DAB1: variants seen among roughly 807,000 people sequenced by gnomAD.
DAB1 encodes the protein disabled homolog 1.
DAB1 carries 15 observed loss-of-function variants against 64.6 expected under a neutral mutation model. That is an observed-to-expected ratio of 0.23 (90% CI 0.16 to 0.36). The LOEUF (loss-of-function observed/expected upper bound fraction) is 0.36. DAB1 is among the 10% of genes least tolerant of loss of function. The pLI is 1.00. For synonymous variants in DAB1, 235 were observed against 251.9 expected, an observed-to-expected ratio of 0.93 and a Z score of 0.64; for missense variants, 596 against 706.7, an observed-to-expected ratio of 0.84 and a Z score of 1.78.
chr1:58,425,592 G>A (rs1401738346), intron 3 of DAB1, among the ~76,000 whole-genome samples: 1 of 152,032 alleles, frequency 6.6e-6, no homozygotes, highest in Non-Finnish European at 1.5e-5. Flanking sequence ...ATGAAATACA[G>A]GACAAGCATA....
chr1:57,169,984 TTTTC>T (rs1344079197), intron 2 of DAB1, among the ~76,000 whole-genome samples: 16 of 148,294 alleles, frequency 1.1e-4, no homozygotes, highest in South Asian at 8.5e-4. Context: ...GCCTTTTTCT[TTTTC>T]TTTCTTTCTT....
At chr1:58,430,329 TGAGTGGAGGACTTCAATCA>T (rs61217512) in intron 3 of DAB1, among the ~76,000 whole-genome samples, 10,392 of 152,220 alleles carry the variant, frequency 0.068, 902 homozygotes, top group African/African-American at 0.2. Flanking sequence ...ACTGTGGGCC[TGAGTGGAGGACTTCAATCA>T]GAGAAGAAGT....
chr1:58,337,950 C>T (rs1015437423), intron 4 of DAB1, among the ~76,000 whole-genome samples: 1 of 151,004 alleles, frequency 6.6e-6, no homozygotes, highest in African/African-American at 2.4e-5. Context: ...ACGTACACTG[C>T]CAAGTTGGTA....
chr1:57,011,304 T>G, intron 12 of DAB1, 32 bp from the exon 13 acceptor site: 2 of 1,605,828 alleles, frequency 1.2e-6, no homozygotes, highest in Non-Finnish European at 1.7e-6. Flanking sequence ...AGAGACATCT[T>G]AAGTGCCTGG....
chr1:58,230,675 C>A (rs1034573141), intron 4 of DAB1, among the ~76,000 whole-genome samples: 6 of 152,220 alleles, frequency 3.9e-5, no homozygotes, highest in Non-Finnish European at 7.3e-5. Flanking sequence ...AGAAAAATAT[C>A]TGGTCCTGAA....
In DAB1 at chr1:58,506,241, A is replaced by T. The variant is rs745740511; in HGVS notation, n.108-32T>A. The T allele has an allele frequency of 3.6e-6, 3 of 842,654 alleles. No individual in the cohort carries two copies. In the Admixed American group the frequency reaches 5.3e-5, roughly 15 times the overall value. 52.2% of individuals were successfully genotyped at this position (842,654 alleles called of 1,614,324 possible). ...CCAAAATTAGTAAAACCACACAATG[A>T]GCTCAGTTTTGAGGATTTTTTAAAA... On this transcript the variant is annotated intron_variant and non_coding_transcript_variant, in intron 2 of 20. Transcript: ENST00000485760.
chr1:57,571,043 G>A (rs1645188221), intron 7 of DAB1, among the ~76,000 whole-genome samples: 1 of 152,174 alleles, frequency 6.6e-6, no homozygotes, highest in South Asian at 2.1e-4. Context: ...ACTGATTTGT[G>A]TACATTAATT....
intron 2 of DAB1, among the ~76,000 whole-genome samples, chr1:57,243,645 C>A (rs1277504617): frequency 6.6e-6 from 1 of 152,190 alleles, no homozygotes; most frequent in Non-Finnish European, 1.5e-5. Flanking sequence ...GCCTGCTAGG[C>A]CAGGAAGGTT....
intron 1 of DAB1, among the ~76,000 whole-genome samples, chr1:57,392,312 G>A (rs1184744204): frequency 6.6e-6 from 1 of 152,172 alleles, no homozygotes; most frequent in Non-Finnish European, 1.5e-5. Flanking sequence ...GGCGGAGGTT[G>A]CAGTGAGCGA....
chr1:57,645,317 C>T (rs1646179401), intron 7 of DAB1, among the ~76,000 whole-genome samples: 1 of 152,078 alleles, frequency 6.6e-6, no homozygotes, highest in South Asian at 2.1e-4. Flanking sequence ...CTTTGGAGGC[C>T]CAGGAGAAGC....
intron 1 of DAB1, among the ~76,000 whole-genome samples, chr1:57,384,054 A>T (rs2100979539): frequency 6.6e-6 from 1 of 152,332 alleles, no homozygotes; most frequent in East Asian, 1.9e-4. Flanking sequence ...AACAAGAACA[A>T]GACAACCCAA....
intron 6 of DAB1, among the ~76,000 whole-genome samples, chr1:57,700,876 GCTTT>G (rs1221215179): frequency 1.3e-5 from 2 of 151,966 alleles, no homozygotes; most frequent in African/African-American, 4.8e-5. Context: ...TTTTCATTCT[GCTTT>G]CTTTTTTTCC....
chr1:57,366,152 C>A (rs1464226375), intron 1 of DAB1, among the ~76,000 whole-genome samples: 1 of 152,072 alleles, frequency 6.6e-6, no homozygotes, highest in Admixed American at 6.5e-5. Flanking sequence ...CCTTCAAGAC[C>A]AAAACAGCAA....
chr1:57,635,835 C>A (rs1433794257), intron 7 of DAB1, among the ~76,000 whole-genome samples: 16 of 152,082 alleles, frequency 1.1e-4, no homozygotes. Flanking sequence ...GTGGCTCACG[C>A]CTGTAATCCC....
chr1:57,291,113 C>T lies in DAB1; in HGVS notation c.-83G>A, dbSNP rs1672746775. The T allele has an allele frequency of 1.2e-6, 1 of 852,946 alleles. No individual in the cohort carries two copies. The highest frequency in any genetic ancestry group is 2.7e-5 in the East Asian group (1 of 37,672). 52.8% of individuals were successfully genotyped at this position (852,946 alleles called of 1,614,324 possible). On this transcript the variant is annotated 5_prime_UTR_variant, in exon 2 of 15. Transcript: ENST00000371236. Reference sequence around the variant, plus strand: ...GGACTCTTCTCCAAGAGAAAGACTCCTCCCTTCAGAAATGACACTCTGAGC... The same window carrying T: ...GGACTCTTCTCCAAGAGAAAGACTCTTCCCTTCAGAAATGACACTCTGAGC...
intron 5 of DAB1, among the ~76,000 whole-genome samples, chr1:58,032,031 T>A (rs113695398): frequency 0.024 from 2,960 of 124,794 alleles, 88 homozygotes; most frequent in African/African-American, 0.071. Flanking sequence ...TGTGTGTGTG[T>A]GTGTGTGTTT....
chr1:57,147,565 G>C (rs1400402816), intron 2 of DAB1, among the ~76,000 whole-genome samples: 1 of 152,100 alleles, frequency 6.6e-6, no homozygotes, highest in African/African-American at 2.4e-5. Flanking sequence ...TTAAGCCTCA[G>C]CATTCTGTAA....
At chr1:57,918,600 A>G (rs773211456) in intron 5 of DAB1, among the ~76,000 whole-genome samples, 82 of 152,194 alleles carry the variant, frequency 5.4e-4, no homozygotes, top group African/African-American at 1.8e-3. Context: ...CGGGGCGGGC[A>G]GATCACAAAG....
intron 3 of DAB1, among the ~76,000 whole-genome samples, chr1:58,490,340 C>G (rs1484459734): frequency 6.6e-6 from 1 of 152,008 alleles, no homozygotes; most frequent in Non-Finnish European, 1.5e-5. Context: ...GAAAAGGTAT[C>G]AGTGATGGAA....
Sources: gnomAD v4.1 joint callset for allele counts (sites outside exome capture counted in the v4.1 genomes callset) on GRCh38, gnomAD v4.1.1 for gene constraint, MANE v1.5 for transcripts, NCBI Gene and HGNC (gene_info 2026-07-23, HGNC 2026-07-21) for gene names.